Variants in ZEB2 observed in about 807,000 individuals in gnomAD.
ZEB2 encodes zinc finger E-box binding homeobox 2.
ZEB2 carries 6 observed loss-of-function variants against 99.9 expected under a neutral mutation model. The observed-to-expected ratio is 0.06, with a 90% CI of 0.03 to 0.12. The LOEUF (loss-of-function observed/expected upper bound fraction) is 0.12, where lower values mean the gene tolerates loss of function less well. Among genes scored for constraint, ZEB2 ranks in the 10% least tolerant of loss-of-function variants. ZEB2 has a pLI of 1.00. For synonymous variants in ZEB2, 517 were observed against 542.5 expected (o/e 0.95, Z 0.65); for missense variants, 969 against 1,502.8 (o/e 0.64, Z 5.87).
intron 2 of ZEB2, among the ~76,000 whole-genome samples, chr2:144,489,060 T>C (rs981857045): frequency 2.0e-5 from 3 of 152,188 alleles, no homozygotes; most frequent in Non-Finnish European, 4.4e-5. Flanking sequence ...TCTACTCTAT[T>C]ATTGCTAACT....
At chr2:144,478,892 C>T (rs998409851) in intron 2 of ZEB2, among the ~76,000 whole-genome samples, 2 of 152,214 alleles carry the variant, frequency 1.3e-5, no homozygotes, top group East Asian at 1.9e-4. Context: ...TATGTTAGCC[C>T]ATGTTTTTAT....
At chr2:144,516,874 C>A (rs973058709) in intron 2 of ZEB2, 2 of 152,054 alleles carry the variant, frequency 1.3e-5, no homozygotes, top group Non-Finnish European at 2.9e-5. Flanking sequence ...GGATCCTGCG[C>A]GATCCAGCGC....
At chr2:144,477,940 T>A (rs1704453175) in intron 2 of ZEB2, among the ~76,000 whole-genome samples, 2 of 152,214 alleles carry the variant, frequency 1.3e-5, no homozygotes, top group Non-Finnish European at 2.9e-5. Flanking sequence ...TGCTTTTTTT[T>A]AATGCTTAAA....
At chr2:144,402,926 T>C (rs1703332613) in intron 6 of ZEB2, among the ~76,000 whole-genome samples, 2 of 152,240 alleles carry the variant, frequency 1.3e-5, no homozygotes, top group Non-Finnish European at 1.5e-5. Flanking sequence ...TGTGTTTGCT[T>C]ATCCTCATTT....
At chr2:144,456,681 T>A (rs1230164693) in intron 2 of ZEB2, among the ~76,000 whole-genome samples, 1 of 152,162 alleles carries the variant, frequency 6.6e-6, no homozygotes, top group Non-Finnish European at 1.5e-5. Context: ...TAATAAATTT[T>A]TCTTCCTTAG....
chr2:144,440,516 T>TATATATATATA (rs1491431111), intron 2 of ZEB2, among the ~76,000 whole-genome samples: 7 of 10,002 alleles, frequency 7.0e-4, no homozygotes, highest in South Asian at 3.1e-3. Context: ...TATATATATA[T>TATATATATATA]TTTTTTTTTT....
intron 4 of ZEB2, among the ~76,000 whole-genome samples, chr2:144,420,001 G>A (rs1440926097): frequency 6.6e-6 from 1 of 152,104 alleles, no homozygotes. Context: ...TTCACTCTCT[G>A]AAGATACTTA....
chr2:144,494,520 C>G (rs1463522500), intron 2 of ZEB2: 1 of 152,180 alleles, frequency 6.6e-6, no homozygotes, highest in Non-Finnish European at 1.5e-5. Context: ...GTACACATCT[C>G]TAAGTTCATT....
chr2:144,415,685 C>CATTT (rs1209540957), intron 4 of ZEB2, among the ~76,000 whole-genome samples: 4 of 152,222 alleles, frequency 2.6e-5, no homozygotes, highest in African/African-American at 9.6e-5. Flanking sequence ...ACTCACTCAT[C>CATTT]ATTTATTTCT....
chr2:144,410,629 T>A (rs1166718220), intron 4 of ZEB2, among the ~76,000 whole-genome samples: 2 of 152,156 alleles, frequency 1.3e-5, no homozygotes, highest in African/African-American at 4.8e-5. Context: ...CAGATACTTA[T>A]TCTTTATCAT....
At position 144,396,544 on chromosome 2, in the gene ZEB2, T is replaced by C. The variant is rs777220598; in HGVS notation, c.2935A>G (p.Met979Val). Residue 979 changes from methionine (M) to valine (V), a missense_variant, in exon 9 of 10, where the codon ATG becomes GTG. By Grantham distance (21) the Met-to-Val change is conservative. This residue lies in a region of ZEB2 where 346 missense variants were observed against 460.0 expected (regional missense o/e 0.75). Coordinates refer to ENST00000627532, the MANE Select transcript of ZEB2 (RefSeq NM_014795.4). ...GACAGACAGGAGTCGGAGTCTGTCA[T>C]ATCATCTAGGCCTGACATGTAGTCT... ...AQDYMSGLDD[M>V]TDSDSCLSRK... The C allele has an allele frequency of 5.0e-6, 8 of 1,613,972 alleles. No homozygotes were observed. In the Admixed American group the frequency reaches 8.3e-5, roughly 17 times the overall value.
intron 2 of ZEB2, chr2:144,513,175 C>T: frequency 7.8e-7 from 1 of 1,286,546 alleles, no homozygotes; most frequent in South Asian, 1.2e-5. Flanking sequence ...ACGGGAGCAA[C>T]TTCTCCGTCC....
At position 144,387,031 on chromosome 2, in the gene ZEB2, G is replaced by A. The variant is rs1164622179; in HGVS notation, c.*2420C>T. ...TGTATCTTCATTACATCCTTTCTGT[G>A]TATGTGTGTGTGTGTATATATATAT... On this transcript the variant is annotated 3_prime_UTR_variant, in exon 10 of 10. Transcript: ENST00000627532. 1 of 79,142 alleles carries A rather than the reference G, an allele frequency of 1.3e-5. No individual in the cohort carries two copies. Among genetic ancestry groups the A allele is most frequent in the Non-Finnish European group, 2.5e-5 (1 of 39,418 alleles). 4.9% of individuals were successfully genotyped at this position (79,142 alleles called of 1,614,324 possible).
At chr2:144,394,820 C>T (rs1285300023) in intron 9 of ZEB2, among the ~76,000 whole-genome samples, 3 of 152,140 alleles carry the variant, frequency 2.0e-5, no homozygotes, top group Non-Finnish European at 2.9e-5. Flanking sequence ...ACCCTCCCCA[C>T]ACTATCAGGC....
intron 2 of ZEB2, among the ~76,000 whole-genome samples, chr2:144,455,711 G>C (rs1425441984): frequency 6.6e-6 from 1 of 152,088 alleles, no homozygotes; most frequent in African/African-American, 2.4e-5. Flanking sequence ...CATAGCAATA[G>C]TGAATATGGA....
At chr2:144,465,173 T>C (rs1452338504) in intron 2 of ZEB2, among the ~76,000 whole-genome samples, 3 of 152,226 alleles carry the variant, frequency 2.0e-5, no homozygotes, top group African/African-American at 7.2e-5. Context: ...TGTGCTATTA[T>C]ACAACTCAAT....
At chr2:144,441,076 T>C (rs1445027802) in intron 2 of ZEB2, among the ~76,000 whole-genome samples, 1 of 147,268 alleles carries the variant, frequency 6.8e-6, no homozygotes, top group Non-Finnish European at 1.5e-5. Context: ...ACGGCTCTGC[T>C]TGGACACCAC....
chr2:144,446,284 T>C (rs1703982512), intron 2 of ZEB2, among the ~76,000 whole-genome samples: 1 of 152,054 alleles, frequency 6.6e-6, no homozygotes, highest in Admixed American at 6.5e-5. Context: ...TCAAAGGATA[T>C]TGAATCATCC....
chr2:144,475,653 A>C (rs1382641665), intron 2 of ZEB2, among the ~76,000 whole-genome samples: 1 of 152,180 alleles, frequency 6.6e-6, no homozygotes, highest in African/African-American at 2.4e-5. Context: ...GTAATGTACT[A>C]CTGATAGCTC....
Sources: allele counts gnomAD v4.1 joint callset (sites outside exome capture counted in the v4.1 genomes callset), GRCh38; gene constraint gnomAD v4.1.1; regional missense constraint gnomAD v4.1.1; transcripts MANE v1.5; gene names NCBI Gene and HGNC (gene_info 2026-07-23, HGNC 2026-07-21).